Variants in PRPSAP2 observed in about 807,000 individuals in gnomAD.
PRPSAP2 encodes the protein phosphoribosyl pyrophosphate synthase-associated protein 2.
Under a neutral mutation model 40.6 loss-of-function variants are expected in PRPSAP2, and 24 were observed. The observed-to-expected ratio is 0.59, with a 90% CI of 0.43 to 0.83. The LOEUF (loss-of-function observed/expected upper bound fraction) is 0.83. Among genes scored for constraint, PRPSAP2 ranks in the 40% least tolerant of loss-of-function variants. PRPSAP2 has a pLI of 0.00. For synonymous variants in PRPSAP2, 149 were observed against 164.7 expected (o/e 0.90, Z 0.73); for missense variants, 292 against 465.6 (o/e 0.63, Z 3.43).
chr17:18,890,565 C>T (rs778184374), intron 8 of PRPSAP2, among the ~76,000 whole-genome samples: 18 of 152,008 alleles, frequency 1.2e-4, no homozygotes, highest in Non-Finnish European at 2.2e-4. Flanking sequence ...ACCCGCCTTA[C>T]CCTCCCAAAG....
In PRPSAP2 at chr17:18,930,755, G is replaced by A. The variant is rs566354996; in HGVS notation, c.*57G>A. 106 of 1,454,562 alleles carry A rather than the reference G, an allele frequency of 7.3e-5. No homozygotes were observed. The highest frequency in any genetic ancestry group is 1.2e-4 in the East Asian group (5 of 43,190). The allele number at this position is 1,454,562 out of a possible 1,614,324, so 90.1% of individuals were successfully genotyped here. A position where few individuals can be genotyped will look rare whatever the true frequency, so the allele number is the denominator to read the frequency against. On this transcript the variant is annotated 3_prime_UTR_variant, in exon 12 of 12. Coordinates refer to ENST00000268835, the MANE Select transcript of PRPSAP2 (RefSeq NM_002767.4). ...ACTGGAAACATAAGAGTGACTGCTC[G>A]GTGGGATGGATTTCACAGGAACCGT...
chr17:18,914,307 G>C (rs2041166805), intron 9 of PRPSAP2, among the ~76,000 whole-genome samples: 1 of 124,788 alleles, frequency 8.0e-6, no homozygotes, highest in Non-Finnish European at 1.6e-5. Flanking sequence ...TTCCAGGCTG[G>C]AGTACAGTGG....
intron 4 of PRPSAP2, among the ~76,000 whole-genome samples, chr17:18,872,297 A>G (rs933248471): frequency 1.7e-4 from 26 of 151,824 alleles, no homozygotes; most frequent in African/African-American, 5.8e-4. Flanking sequence ...AAAAGTTACC[A>G]TGCTCGGAGT....
At chr17:18,881,612 C>T (rs2038748237) in intron 6 of PRPSAP2, among the ~76,000 whole-genome samples, 1 of 151,650 alleles carries the variant, frequency 6.6e-6, no homozygotes, top group African/African-American at 2.4e-5. Flanking sequence ...TCTCAGCTCA[C>T]TTGCAGCCTT....
chr17:18,866,181 T>C (rs1287037444), intron 3 of PRPSAP2, among the ~76,000 whole-genome samples: 3 of 152,110 alleles, frequency 2.0e-5, no homozygotes, highest in Non-Finnish European at 4.4e-5. Flanking sequence ...CCCATCTCCC[T>C]ACATATTCTT....
intron 9 of PRPSAP2, among the ~76,000 whole-genome samples, chr17:18,914,635 T>C (rs1484248860): frequency 6.6e-6 from 1 of 152,122 alleles, no homozygotes; most frequent in East Asian, 1.9e-4. Context: ...CCTTTGATGA[T>C]AAATCTCATC....
At chr17:18,875,400 C>A (rs1567682336) in intron 5 of PRPSAP2, among the ~76,000 whole-genome samples, 1 of 151,878 alleles carries the variant, frequency 6.6e-6, no homozygotes, top group South Asian at 2.1e-4. Flanking sequence ...CCTGTCTTTA[C>A]TAAAAATACA....
At chr17:18,900,345 A>G (rs6502677) in intron 8 of PRPSAP2, among the ~76,000 whole-genome samples, 56,136 of 151,790 alleles carry the variant, frequency 0.37, 10,476 homozygotes, top group Non-Finnish European at 0.39. Context: ...TATACCTTCT[A>G]TTTTTTTGTC....
chr17:18,856,844 C>A (rs1216267541), upstream of PRPSAP2, among the ~76,000 whole-genome samples: 1 of 152,150 alleles, frequency 6.6e-6, no homozygotes, highest in Non-Finnish European at 1.5e-5. Context: ...CTACCTTATG[C>A]TCTTGTGAGG....
intron 3 of PRPSAP2, among the ~76,000 whole-genome samples, chr17:18,866,950 A>T (rs963604129): frequency 6.6e-6 from 1 of 152,004 alleles, no homozygotes; most frequent in African/African-American, 2.4e-5. Context: ...AACCCCCCCA[A>T]GCAGAGGGGA....
chr17:18,867,298 A>G lies in PRPSAP2; in HGVS notation c.136A>G (p.Met46Val). ...KKIAERLGVE[M>V]GKVQVYQEPN... ...CTTCTCTAGGCGGCTAGGGGTGGAG[A>G]TGGGCAAAGTGCAGGTTTACCAGGA... The change falls in exon 4 of 12, where the codon ATG (methionine) becomes GTG (valine). Residue 46 changes from methionine (M) to valine (V), a missense_variant. Met to Val is a conservative substitution (Grantham distance 21). Around this residue, in one of 2 missense-constraint regions of PRPSAP2, gnomAD observed 241 missense variants for 425.7 expected, o/e 0.57. Transcript: ENST00000268835. 1 of 1,613,772 alleles carries G rather than the reference A, an allele frequency of 6.2e-7. No individual in the cohort carries two copies.
At chr17:18,884,344 ATG>A (rs1166164578) in intron 7 of PRPSAP2, among the ~76,000 whole-genome samples, 1 of 29,210 alleles carries the variant, frequency 3.4e-5, no homozygotes, top group South Asian at 7.4e-4. Context: ...GAAAAATTTT[ATG>A]TTTTTTTTTT....
chr17:18,920,358 T>A (rs2041626290), intron 9 of PRPSAP2, among the ~76,000 whole-genome samples: 1 of 152,204 alleles, frequency 6.6e-6, no homozygotes, highest in Non-Finnish European at 1.5e-5. Context: ...TAGGACTGGA[T>A]GATCTCTATG....
At chr17:18,859,354 C>T (rs774824582) in intron 1 of PRPSAP2, 10 of 152,194 alleles carry the variant, frequency 6.6e-5, no homozygotes, top group African/African-American at 9.7e-5. Flanking sequence ...CAGCGGGGTG[C>T]CAAGTCGTTT....
At chr17:18,870,642 T>C (rs771429138) in intron 4 of PRPSAP2, among the ~76,000 whole-genome samples, 1 of 151,774 alleles carries the variant, frequency 6.6e-6, no homozygotes, top group Non-Finnish European at 1.5e-5. Context: ...AACCCCATCT[T>C]TACCAAAGAT....
rs776839680 is a variant in PRPSAP2, at chr17:18,923,898, G to A, written c.734-16G>A. 1 of 1,601,362 alleles carries A rather than the reference G, an allele frequency of 6.2e-7. No homozygotes were observed. The highest frequency in any genetic ancestry group is 1.1e-5 in the South Asian group (1 of 89,194). On this transcript the variant is annotated splice_polypyrimidine_tract_variant and intron_variant, in intron 9 of 11. Coordinates refer to ENST00000268835, the MANE Select transcript of PRPSAP2 (RefSeq NM_002767.4). ...TTAATATAAAAATTTTGGTGTGTGT[G>A]TTTTATTCCAACCAGTGCTGATTCC...
At chr17:18,928,367 G>C (rs1018457544) in intron 10 of PRPSAP2, 1 of 201,284 alleles carries the variant, frequency 5.0e-6, no homozygotes, top group South Asian at 8.9e-5. Flanking sequence ...TGGAAATAAG[G>C]AAAGTAGCAA....
chr17:18,913,702 C>T (rs894576936), intron 9 of PRPSAP2, among the ~76,000 whole-genome samples: 3 of 151,296 alleles, frequency 2.0e-5, no homozygotes, highest in African/African-American at 7.3e-5. Context: ...CACTTGCCAC[C>T]GCACCTGGCT....
chr17:18,913,717 T>A (rs1168166382), intron 9 of PRPSAP2, among the ~76,000 whole-genome samples: 1 of 151,184 alleles, frequency 6.6e-6, no homozygotes, highest in East Asian at 2.0e-4. Context: ...CTGGCTAATT[T>A]TTGTATTTTT....
Sources: allele counts gnomAD v4.1 joint callset (sites outside exome capture counted in the v4.1 genomes callset), GRCh38; gene constraint gnomAD v4.1.1; regional missense constraint gnomAD v4.1.1; transcripts MANE v1.5; gene names NCBI Gene and HGNC (gene_info 2026-07-23, HGNC 2026-07-21).